Variants in PPP2R5E observed in about 807,000 individuals in gnomAD.
PPP2R5E encodes protein phosphatase 2 regulatory subunit B'epsilon, also known as serine/threonine-protein phosphatase 2A 56 kDa regulatory subunit epsilon isoform.
PPP2R5E carries 4 observed loss-of-function variants against 65.3 expected under a neutral mutation model. That is an observed-to-expected ratio of 0.06 (90% CI 0.03 to 0.14). The LOEUF is 0.14. Among genes scored for constraint, PPP2R5E ranks in the 10% least tolerant of loss-of-function variants. The pLI, the probability that PPP2R5E is intolerant of heterozygous loss-of-function variation, is 1.00. For synonymous variants in PPP2R5E, 183 were observed against 187.4 expected, an observed-to-expected ratio of 0.98 and a Z score of 0.19; for missense variants, 274 against 556.1, an observed-to-expected ratio of 0.49 and a Z score of 5.10.
intron 2 of PPP2R5E, among the ~76,000 whole-genome samples, chr14:63,520,855 A>T: frequency 7.4e-6 from 1 of 135,040 alleles, no homozygotes; most frequent in Non-Finnish European, 1.5e-5. Flanking sequence ...CTCTACTAAA[A>T]ATACAAAAAA....
chr14:63,381,232 T>A (rs561590480), intron 13 of PPP2R5E, among the ~76,000 whole-genome samples: 37 of 152,376 alleles, frequency 2.4e-4, no homozygotes, highest in African/African-American at 8.2e-4. Flanking sequence ...CTCAAACATT[T>A]CTGGTTAATA....
At chr14:63,488,599 A>AGTTGG (rs1465508050) in intron 2 of PPP2R5E, among the ~76,000 whole-genome samples, 2 of 152,190 alleles carry the variant, frequency 1.3e-5, no homozygotes. Context: ...CTGTAATCCC[A>AGTTGG]GCACTTTGGG....
At position 63,374,082 on chromosome 14, in the gene PPP2R5E, T is replaced by A. The variant is rs1481976773; in HGVS notation, c.*1927A>T. 5 of 150,122 alleles carry A rather than the reference T, an allele frequency of 3.3e-5. No individual in the cohort carries two copies. The highest frequency in any genetic ancestry group is 1.2e-4 in the African/African-American group (5 of 40,858). The allele number at this position is 150,122 out of a possible 1,614,324, so 9.3% of individuals were successfully genotyped here. A position where few individuals can be genotyped will look rare whatever the true frequency, so the allele number is the denominator to read the frequency against. On this transcript the variant is annotated 3_prime_UTR_variant, in exon 14 of 14. Transcript: ENST00000337537. ...GTTGCATATGACTTTTTTTTTTTACTGCTTTTTTTTTTCTTTTTGGAATTA... is the reference window on the plus strand; with the variant it reads ...GTTGCATATGACTTTTTTTTTTTACAGCTTTTTTTTTTCTTTTTGGAATTA...
intron 2 of PPP2R5E, among the ~76,000 whole-genome samples, chr14:63,534,501 T>A (rs763647457): frequency 3.3e-5 from 5 of 152,178 alleles, no homozygotes; most frequent in Non-Finnish European, 7.3e-5. Context: ...TGACCTCAAA[T>A]GACCCGCCCC....
At chr14:63,380,846 A>G (rs1216872036) in intron 13 of PPP2R5E, among the ~76,000 whole-genome samples, 1 of 152,136 alleles carries the variant, frequency 6.6e-6, no homozygotes, top group African/African-American at 2.4e-5. Flanking sequence ...TTAAAACAAA[A>G]AAATCATTGC....
At chr14:63,414,264 C>T (rs1886565642) in intron 5 of PPP2R5E, among the ~76,000 whole-genome samples, 1 of 152,138 alleles carries the variant, frequency 6.6e-6, no homozygotes, top group Non-Finnish European at 1.5e-5. Flanking sequence ...AGACCAATTT[C>T]CTGCCAAATT....
chr14:63,469,607 T>C (rs1450144101), intron 2 of PPP2R5E, among the ~76,000 whole-genome samples: 2 of 152,158 alleles, frequency 1.3e-5, no homozygotes, highest in Non-Finnish European at 2.9e-5. Flanking sequence ...GGCAGGAGAA[T>C]GGCGTGAACC....
chr14:63,476,453 C>A (rs1023488926), intron 2 of PPP2R5E, among the ~76,000 whole-genome samples: 1 of 152,056 alleles, frequency 6.6e-6, no homozygotes, highest in South Asian at 2.1e-4. Context: ...TATTCAAGTA[C>A]ATATCTTATA....
At chr14:63,526,853 G>A (rs892509601) in intron 2 of PPP2R5E, among the ~76,000 whole-genome samples, 1 of 152,188 alleles carries the variant, frequency 6.6e-6, no homozygotes, top group Non-Finnish European at 1.5e-5. Flanking sequence ...GAGCTACTGC[G>A]CCCAGCCTAA....
At chr14:63,465,091 T>C (rs1444783077) in intron 2 of PPP2R5E, among the ~76,000 whole-genome samples, 1 of 151,468 alleles carries the variant, frequency 6.6e-6, no homozygotes, top group African/African-American at 2.4e-5. Context: ...TGAGTAAAGA[T>C]TAAATGAAAA....
At chr14:63,528,371 T>C (rs1237298752) in intron 2 of PPP2R5E, among the ~76,000 whole-genome samples, 1 of 152,218 alleles carries the variant, frequency 6.6e-6, no homozygotes, top group Admixed American at 6.5e-5. Flanking sequence ...CTATAATCAG[T>C]CCTCAAATAC....
chr14:63,436,985 G>A (rs1566701427), intron 3 of PPP2R5E, among the ~76,000 whole-genome samples: 3 of 152,184 alleles, frequency 2.0e-5, no homozygotes, highest in African/African-American at 4.8e-5. Flanking sequence ...GTCAGCACAA[G>A]ATACAGGTCA....
At chr14:63,466,716 AAAC>A (rs1193356468) in intron 2 of PPP2R5E, among the ~76,000 whole-genome samples, 1 of 152,202 alleles carries the variant, frequency 6.6e-6, no homozygotes, top group African/African-American at 2.4e-5. Flanking sequence ...TTCAAGCATA[AAAC>A]AATAAAGACG....
At chr14:63,449,398 A>G (rs1242895625) in intron 3 of PPP2R5E, among the ~76,000 whole-genome samples, 5 of 152,256 alleles carry the variant, frequency 3.3e-5, no homozygotes, top group African/African-American at 9.6e-5. Flanking sequence ...AATAGTATTT[A>G]CTGAATACTT....
At chr14:63,522,206 G>A (rs1346402834) in intron 2 of PPP2R5E, among the ~76,000 whole-genome samples, 5 of 152,100 alleles carry the variant, frequency 3.3e-5, no homozygotes, top group Admixed American at 6.5e-5. Flanking sequence ...TCGGCCTCCC[G>A]AGGTGCCGGG....
At chr14:63,471,391 C>A (rs1407998662) in intron 2 of PPP2R5E, among the ~76,000 whole-genome samples, 1 of 152,110 alleles carries the variant, frequency 6.6e-6, no homozygotes, top group Non-Finnish European at 1.5e-5. Context: ...CCAAAATAAA[C>A]AAGAGTCACT....
At chr14:63,422,643 G>A (rs1250667856) in intron 3 of PPP2R5E, among the ~76,000 whole-genome samples, 10 of 150,732 alleles carry the variant, frequency 6.6e-5, no homozygotes, top group South Asian at 2.1e-4. Flanking sequence ...GGAGAATGGC[G>A]TGAACCCCGG....
Position 63,422,729 on chromosome 14 carries a change from T to TAAAAA in PPP2R5E, c.355-640_355-636dup, listed in dbSNP as rs567590182. On this transcript the variant is annotated intron_variant, in intron 3 of 13. Transcript: ENST00000337537. Reference sequence around the variant, plus strand: ...ATGAAAGAGCGAGACTCCGTCTATTTAAAAAAAAAAAAAAAAAAAAAAAAA... The same window carrying TAAAAA: ...ATGAAAGAGCGAGACTCCGTCTATTTAAAAAAAAAAAAAAAAAAAAAAAAAAAAAA... Among the ~76,000 whole-genome samples the TAAAAA allele has an allele frequency of 2.3e-3, 202 of 88,216 alleles. 3 individuals carry two copies. The highest frequency in any genetic ancestry group is 7.6e-3 in the African/African-American group (192 of 25,248). 57.9% of individuals were successfully genotyped at this position (88,216 alleles called of 152,430 possible).
chr14:63,491,795 A>G (rs1162845662), intron 2 of PPP2R5E, among the ~76,000 whole-genome samples: 1 of 152,162 alleles, frequency 6.6e-6, no homozygotes, highest in Non-Finnish European at 1.5e-5. Context: ...TGCAGTGAGC[A>G]GAGATTGCAC....
Sources: gnomAD v4.1 joint callset for allele counts (sites outside exome capture counted in the v4.1 genomes callset) on GRCh38, gnomAD v4.1.1 for gene constraint, MANE v1.5 for transcripts, NCBI Gene and HGNC (gene_info 2026-07-23, HGNC 2026-07-21) for gene names.